The following IFT80 variants were observed in gnomAD, a reference collection of about 807,000 sequenced individuals.
IFT80 encodes intraflagellar transport 80.
In IFT80, 79 loss-of-function variants were observed where a neutral mutation model predicts 107.9. That is an observed-to-expected ratio of 0.73 (90% CI 0.61 to 0.88). The LOEUF is 0.88. Ranked by LOEUF, IFT80 falls within the 40% of genes least tolerant of loss-of-function variation. IFT80 has a pLI of 0.00. For missense variants in IFT80, 797 were observed against 914.2 expected, an observed-to-expected ratio of 0.87 and a Z score of 1.65; for synonymous variants, 299 against 300.9, an observed-to-expected ratio of 0.99 and a Z score of 0.07.
At chr3:160,292,394 A>G (rs1715629444) in intron 12 of IFT80, among the ~76,000 whole-genome samples, 1 of 152,146 alleles carries the variant, frequency 6.6e-6, no homozygotes. Context: ...AAGTATGAAG[A>G]ACTGGCTTGC....
intron 8 of IFT80, among the ~76,000 whole-genome samples, chr3:160,330,885 A>C (rs1340104785): frequency 6.6e-6 from 1 of 152,216 alleles, no homozygotes; most frequent in African/African-American, 2.4e-5. Flanking sequence ...TTCAGTATAC[A>C]GTAGTCCCTT....
At chr3:160,307,607 ACTC>A in intron 10 of IFT80, 53 bp downstream of exon 10, 1 of 948,544 alleles carries the variant, frequency 1.1e-6, no homozygotes, top group Non-Finnish European at 1.7e-6. Context: ...CTGAAAATAA[ACTC>A]CTCAGCACAG....
chr3:160,303,852 TA>T, intron 11 of IFT80, 62 bp downstream of exon 11: 1 of 1,021,440 alleles, frequency 9.8e-7, no homozygotes, highest in South Asian at 1.3e-5. Flanking sequence ...ATGTTTTTAT[TA>T]AAGAGTGCTT....
intron 19 of IFT80, among the ~76,000 whole-genome samples, chr3:160,260,559 T>G (rs187222520): frequency 6.6e-5 from 10 of 152,338 alleles, no homozygotes; most frequent in Admixed American, 1.3e-4. Context: ...TGTCAGTGGA[T>G]AGCTGTCCTA....
intron 8 of IFT80, among the ~76,000 whole-genome samples, chr3:160,325,066 C>T (rs1319940462): frequency 4.0e-5 from 6 of 151,386 alleles, no homozygotes; most frequent in Non-Finnish European, 4.4e-5. Flanking sequence ...AGGAATCCAA[C>T]TTACAAGGGA....
At chr3:160,296,821 T>C (rs1236914140) in intron 12 of IFT80, among the ~76,000 whole-genome samples, 1 of 152,164 alleles carries the variant, frequency 6.6e-6, no homozygotes, top group Non-Finnish European at 1.5e-5. Flanking sequence ...AGCAGCACTG[T>C]TGCTTCTAAC....
At chr3:160,292,741 T>G (rs1715668760) in intron 12 of IFT80, among the ~76,000 whole-genome samples, 1 of 152,006 alleles carries the variant, frequency 6.6e-6, no homozygotes, top group Non-Finnish European at 1.5e-5. Flanking sequence ...CTCCTTTTGT[T>G]TTTTTGATGG....
chr3:160,315,729 G>T (rs1342317589), intron 9 of IFT80, among the ~76,000 whole-genome samples: 1 of 152,132 alleles, frequency 6.6e-6, no homozygotes, highest in Non-Finnish European at 1.5e-5. Context: ...GGAATATGGA[G>T]AGTGGGAGGG....
chr3:160,372,914 A>T (rs1273676969), intron 5 of IFT80, among the ~76,000 whole-genome samples: 1 of 152,174 alleles, frequency 6.6e-6, no homozygotes, highest in African/African-American at 2.4e-5. Context: ...TGAGAGGAAG[A>T]GCATCACCAT....
chr3:160,371,826 G>T (rs1367241591), intron 5 of IFT80, among the ~76,000 whole-genome samples: 1 of 152,132 alleles, frequency 6.6e-6, no homozygotes, highest in Non-Finnish European at 1.5e-5. Context: ...TCCTCCACTT[G>T]AAAATAGTGT....
At chr3:160,304,987 C>T (rs1716732530) in intron 10 of IFT80, among the ~76,000 whole-genome samples, 1 of 152,028 alleles carries the variant, frequency 6.6e-6, no homozygotes, top group Non-Finnish European at 1.5e-5. Context: ...AAATGTAAGC[C>T]ATGAACATGC....
At chr3:160,261,896 G>A (rs143429172) in intron 19 of IFT80, among the ~76,000 whole-genome samples, 146 of 151,888 alleles carry the variant, frequency 9.6e-4, no homozygotes, top group African/African-American at 3.5e-3. Context: ...GTACACGGAC[G>A]GCCCTGGAAT....
chr3:160,307,558 G>T, intron 10 of IFT80, 105 bp downstream of exon 10: 1 of 770,440 alleles, frequency 1.3e-6, no homozygotes, highest in East Asian at 2.4e-5. Flanking sequence ...GAGGTTTTGA[G>T]AAAGTTAAGC....
intron 1 of IFT80, among the ~76,000 whole-genome samples, chr3:160,390,790 C>T (rs1713325153): frequency 6.6e-6 from 1 of 152,164 alleles, no homozygotes; most frequent in South Asian, 2.1e-4. Context: ...ATAATATCAT[C>T]AACCTACTGG....
intron 19 of IFT80, among the ~76,000 whole-genome samples, chr3:160,262,238 C>T (rs1712908474): frequency 6.6e-6 from 1 of 152,002 alleles, no homozygotes; most frequent in Admixed American, 6.6e-5. Context: ...GCATTTTCAA[C>T]AAAGAACAAT....
intron 14 of IFT80, 145 bp downstream of exon 14, chr3:160,282,333 T>C: frequency 1.6e-6 from 1 of 621,744 alleles, no homozygotes; most frequent in East Asian, 2.9e-5. Flanking sequence ...CTTTCACTCC[T>C]ACTTTTTTAA....
At chr3:160,310,855 G>C (rs1717188454) in intron 9 of IFT80, among the ~76,000 whole-genome samples, 1 of 152,162 alleles carries the variant, frequency 6.6e-6, no homozygotes, top group African/African-American at 2.4e-5. Flanking sequence ...TGTAATCAAG[G>C]CTGGGCATGG....
At chr3:160,342,464 G>C (rs1719981972) in intron 8 of IFT80, among the ~76,000 whole-genome samples, 2 of 152,116 alleles carry the variant, frequency 1.3e-5, no homozygotes, top group East Asian at 3.8e-4. Flanking sequence ...TAGGCATGCA[G>C]GTTATTTCCC....
intron 9 of IFT80, among the ~76,000 whole-genome samples, chr3:160,309,948 C>A (rs184930947): frequency 2.0e-5 from 3 of 152,142 alleles, no homozygotes; most frequent in Admixed American, 6.5e-5. Context: ...ACTCTATAAT[C>A]TTAAATTTAA....
Sources: gnomAD v4.1 joint callset for allele counts (sites outside exome capture counted in the v4.1 genomes callset) on GRCh38, gnomAD v4.1.1 for gene constraint, MANE v1.5 for transcripts, NCBI Gene and HGNC (gene_info 2026-07-23, HGNC 2026-07-21) for gene names.